The following SMYD3 variants were observed in gnomAD, a reference collection of about 807,000 sequenced individuals.
The protein encoded by SMYD3 is histone-lysine N-methyltransferase SMYD3.
Under a neutral mutation model 57.7 loss-of-function variants are expected in SMYD3, and 36 were observed. That is an observed-to-expected ratio of 0.62 (90% CI 0.48 to 0.82). The LOEUF is 0.82. SMYD3 is among the 40% of genes least tolerant of loss of function. The probability of loss-of-function intolerance (pLI) is 0.00; values close to 1 mark genes in which losing one functional copy is unlikely to be tolerated. For missense variants in SMYD3, 515 were observed against 538.8 expected, an observed-to-expected ratio of 0.96 and a Z score of 0.44; for synonymous variants, 211 against 195.0, an observed-to-expected ratio of 1.08 and a Z score of -0.68.
chr1:246,279,050 T>C (rs1041088386), intron 5 of SMYD3, among the ~76,000 whole-genome samples: 2 of 152,102 alleles, frequency 1.3e-5, no homozygotes, highest in Admixed American at 1.3e-4. Context: ...CCTAAAGTGC[T>C]ACTACATGTG....
At chr1:245,821,935 T>C (rs2148342340) in intron 10 of SMYD3, among the ~76,000 whole-genome samples, 1 of 151,610 alleles carries the variant, frequency 6.6e-6, no homozygotes, top group Admixed American at 6.6e-5. Context: ...AGGAACACTT[T>C]TACACTGTTG....
intron 5 of SMYD3, among the ~76,000 whole-genome samples, chr1:246,138,772 A>G (rs1382712028): frequency 6.6e-6 from 1 of 151,964 alleles, no homozygotes. Flanking sequence ...CAGTACCTAA[A>G]TTTCTTTGTA....
chr1:246,096,286 G>A (rs56146709), intron 5 of SMYD3: 9,714 of 152,174 alleles, frequency 0.064, 374 homozygotes, highest in Non-Finnish European at 0.072. Context: ...TGTGTCTTGC[G>A]CATCAATCTC....
chr1:246,232,629 G>A (rs2063431913), intron 5 of SMYD3, among the ~76,000 whole-genome samples: 1 of 135,264 alleles, frequency 7.4e-6, no homozygotes, highest in African/African-American at 2.8e-5. Context: ...AATTCACACA[G>A]TGATGAACAT....
chr1:246,449,537 G>T (rs866286840), intron 1 of SMYD3, among the ~76,000 whole-genome samples: 1 of 152,170 alleles, frequency 6.6e-6, no homozygotes, highest in South Asian at 2.1e-4. Flanking sequence ...CTTCTCCAGC[G>T]ATTACCTTAT....
At chr1:246,088,326 C>A (rs1227739337) in intron 5 of SMYD3, among the ~76,000 whole-genome samples, 1 of 151,970 alleles carries the variant, frequency 6.6e-6, no homozygotes, top group African/African-American at 2.4e-5. Context: ...TTTCTCCCGG[C>A]TTAAAAGTTA....
intron 5 of SMYD3, among the ~76,000 whole-genome samples, chr1:246,010,134 C>T (rs991602518): frequency 1.3e-5 from 2 of 149,298 alleles, no homozygotes; most frequent in African/African-American, 4.9e-5. Flanking sequence ...CAACAAAAAC[C>T]CCAATATTTT....
chr1:246,427,383 A>G (rs6703934), intron 1 of SMYD3, among the ~76,000 whole-genome samples: 61,421 of 150,506 alleles, frequency 0.41, 13,961 homozygotes, highest in Admixed American at 0.52. Context: ...AGCCGGGCGT[A>G]GTGGCGGGCG....
At chr1:246,288,567 T>C (rs1242665833) in intron 5 of SMYD3, among the ~76,000 whole-genome samples, 1 of 151,856 alleles carries the variant, frequency 6.6e-6, no homozygotes, top group Non-Finnish European at 1.5e-5. Flanking sequence ...CAAGACTAGA[T>C]AAACCAACCA....
intron 5 of SMYD3, among the ~76,000 whole-genome samples, chr1:245,962,293 T>G (rs2058030506): frequency 6.6e-6 from 1 of 152,210 alleles, no homozygotes; most frequent in Admixed American, 6.5e-5. Context: ...AACTGCTCAT[T>G]GTTTCAGGTT....
At chr1:246,360,412 T>A (rs1293812071) in intron 1 of SMYD3, among the ~76,000 whole-genome samples, 2 of 151,590 alleles carry the variant, frequency 1.3e-5, no homozygotes, top group African/African-American at 4.8e-5. Flanking sequence ...ACAATTCCCA[T>A]CTAAACACCA....
chr1:246,123,344 G>T (rs1269606845), intron 5 of SMYD3, among the ~76,000 whole-genome samples: 1 of 152,154 alleles, frequency 6.6e-6, no homozygotes, highest in Admixed American at 6.5e-5. Context: ...GAGGTGGGCA[G>T]ATCATGAGGC....
chr1:246,130,407 T>C (rs959026970), intron 5 of SMYD3, among the ~76,000 whole-genome samples: 5 of 152,198 alleles, frequency 3.3e-5, no homozygotes, highest in African/African-American at 9.6e-5. Context: ...GTAGCTCAGA[T>C]TGACTGTCTC....
At chr1:245,916,802 A>G (rs535899301) in intron 7 of SMYD3, among the ~76,000 whole-genome samples, 1 of 152,234 alleles carries the variant, frequency 6.6e-6, no homozygotes, top group East Asian at 1.9e-4. Context: ...GTCAGATGAC[A>G]TGTTCTGTTT....
chr1:246,342,221 ATCT>A (rs1394906883), intron 2 of SMYD3, among the ~76,000 whole-genome samples: 7 of 152,192 alleles, frequency 4.6e-5, no homozygotes, highest in Admixed American at 6.5e-5. Context: ...TTAACTAAAC[ATCT>A]TCTACGTGAA....
intron 11 of SMYD3, among the ~76,000 whole-genome samples, chr1:245,755,134 G>A (rs1410563021): frequency 1.3e-5 from 2 of 152,180 alleles, no homozygotes; most frequent in Admixed American, 6.5e-5. Context: ...TAAATTCTAA[G>A]GGCAACCCAA....
intron 1 of SMYD3, among the ~76,000 whole-genome samples, chr1:246,356,134 T>TC (rs61363063): frequency 0.53 from 80,093 of 151,738 alleles, 21,949 homozygotes; most frequent in Middle Eastern, 0.71. Flanking sequence ...TAGCAGTCAC[T>TC]CCCCAGTACC....
At chr1:246,188,952 C>G (rs1449399565) in intron 5 of SMYD3, 1 of 150,040 alleles carries the variant, frequency 6.7e-6, no homozygotes, top group African/African-American at 2.5e-5. Context: ...AGAGCAAGAC[C>G]CTGTCTCAAA....
intron 1 of SMYD3, among the ~76,000 whole-genome samples, chr1:246,378,861 T>A (rs1195914111): frequency 1.6e-5 from 2 of 121,490 alleles, no homozygotes; most frequent in African/African-American, 6.2e-5. Context: ...ATTTATATAG[T>A]ATATATAAAT....
Sources: gnomAD v4.1 joint callset for allele counts (sites outside exome capture counted in the v4.1 genomes callset) on GRCh38, gnomAD v4.1.1 for gene constraint, MANE v1.5 for transcripts, NCBI Gene and HGNC (gene_info 2026-07-23, HGNC 2026-07-21) for gene names.